The following OASL variants were observed in gnomAD, a reference collection of about 807,000 sequenced individuals.
OASL encodes 2'-5'-oligoadenylate synthetase like, also known as 2'-5'-oligoadenylate synthase-like protein.
In OASL, 28 loss-of-function variants were observed where a neutral mutation model predicts 35.3. The ratio of observed to expected loss-of-function variants is 0.79; its 90% CI spans 0.59 to 1.09. The LOEUF (loss-of-function observed/expected upper bound fraction) is 1.09. OASL is among the 50% of genes least tolerant of loss of function. The probability of loss-of-function intolerance (pLI) is 0.00; values close to 1 mark genes in which losing one functional copy is unlikely to be tolerated. For missense variants in OASL, 620 were observed against 635.2 expected (o/e 0.98, Z 0.26); for synonymous variants, 252 against 254.6 (o/e 0.99, Z 0.10).
chr12:121,018,065 A>C (rs75730715), downstream of OASL, among the ~76,000 whole-genome samples: 697 of 152,298 alleles, frequency 4.6e-3, 33 homozygotes, highest in East Asian at 0.1. Flanking sequence ...GTTTGACATA[A>C]GTGACTCCAT....
chr12:121,025,064 C>T (rs1045559261), intron 4 of OASL, among the ~76,000 whole-genome samples: 1 of 147,210 alleles, frequency 6.8e-6, no homozygotes, highest in Non-Finnish European at 1.5e-5. Context: ...CTGCAACTTC[C>T]ACCTCCCGGG....
At chr12:121,033,541 T>G (rs772766111) in exon 2 of OASL, 2 of 1,614,070 alleles carry the variant, frequency 1.2e-6, no homozygotes, top group Non-Finnish European at 1.7e-6. Context: ...GACGAGAGCA[T>G]CGGGGACTCT....
intron 4 of OASL, among the ~76,000 whole-genome samples, chr12:121,026,544 G>A (rs921082123): frequency 2.6e-5 from 4 of 152,158 alleles, no homozygotes; most frequent in Non-Finnish European, 4.4e-5. Flanking sequence ...CACTGGAGGC[G>A]ATCTTTAGGA....
At chr12:121,036,550 G>A (rs1201896298) in intron 1 of OASL, among the ~76,000 whole-genome samples, 2 of 152,146 alleles carry the variant, frequency 1.3e-5, no homozygotes, top group African/African-American at 4.8e-5. Flanking sequence ...TGGGGAGGCC[G>A]AGGTGGGTGG....
intron 1 of OASL, among the ~76,000 whole-genome samples, chr12:121,035,682 C>T (rs1292883860): frequency 6.6e-6 from 1 of 152,186 alleles, no homozygotes; most frequent in African/African-American, 2.4e-5. Context: ...AGAGCCAGAA[C>T]TCAAGTAGGG....
intron 5 of OASL, among the ~76,000 whole-genome samples, chr12:121,022,776 T>G (rs1869300215): frequency 6.6e-6 from 1 of 152,168 alleles, no homozygotes; most frequent in African/African-American, 2.4e-5. Flanking sequence ...CCCCCGGCCT[T>G]TAGGGCTCAT....
At chr12:121,033,534 G>A (rs3213545) in exon 2 of OASL, 477,985 of 1,613,822 alleles carry the variant, frequency 0.3, 73,977 homozygotes, top group East Asian at 0.5. Flanking sequence ...TGGTGAAGAC[G>A]AGAGCATCGG....
In OASL at chr12:121,038,853, AC is replaced by A; in HGVS notation, c.118del (p.Val40TrpfsTer5). On this transcript the variant is annotated frameshift_variant, in exon 1 of 6. Transcript: ENST00000257570. LOFTEE classifies it high-confidence loss of function. ...ATGCTCCTGCCTCAGAAACTCCTCC[AC>A]GGTCCGCACAGCGTCTAGCACCTCT... The A allele has an allele frequency of 6.2e-7, 1 of 1,613,870 alleles. No individual in the cohort carries two copies. Among genetic ancestry groups the A allele is most frequent in the Non-Finnish European group, 8.5e-7 (1 of 1,179,952 alleles).
At chr12:121,020,380 C>T (rs2135898440) in exon 6 of OASL, 1 of 620,598 alleles carries the variant, frequency 1.6e-6, no homozygotes, top group Admixed American at 3.1e-5. Flanking sequence ...AGCGCTCCTC[C>T]CACCTCGGCC....
intron 1 of OASL, among the ~76,000 whole-genome samples, chr12:121,035,514 G>A (rs1169271547): frequency 4.3e-5 from 3 of 70,352 alleles, no homozygotes; most frequent in African/African-American, 1.2e-4. Context: ...GACACAGCGA[G>A]ACTCCATCTA....
intron 5 of OASL, among the ~76,000 whole-genome samples, chr12:121,021,783 C>A (rs573557338): frequency 1.3e-5 from 2 of 152,120 alleles, no homozygotes; most frequent in African/African-American, 4.8e-5. Flanking sequence ...TGCACTCCAG[C>A]CTGGGCAACA....
chr12:121,037,667 G>T (rs1333919702), intron 1 of OASL, among the ~76,000 whole-genome samples: 1 of 152,076 alleles, frequency 6.6e-6, no homozygotes, highest in African/African-American at 2.4e-5. Flanking sequence ...AGCTACTTGG[G>T]AGGCTGAGGC....
intron 1 of OASL, among the ~76,000 whole-genome samples, chr12:121,037,770 C>CAA (rs35053672): frequency 5.2e-5 from 7 of 133,732 alleles, no homozygotes; most frequent in African/African-American, 1.9e-4. Context: ...GACTCTGTCT[C>CAA]AAAAAAAAAA....
exon 6 of OASL, chr12:121,019,421 T>G (rs1869147284): frequency 6.6e-6 from 1 of 152,158 alleles, no homozygotes; most frequent in African/African-American, 2.4e-5. Context: ...TTGCTTGGAG[T>G]AAACCTGATC....
chr12:121,025,120 G>A (rs956071479), intron 4 of OASL, among the ~76,000 whole-genome samples: 4 of 151,806 alleles, frequency 2.6e-5, no homozygotes, highest in African/African-American at 9.7e-5. Flanking sequence ...TGGGATTACA[G>A]GTACCCGCCA....
At chr12:121,026,770 C>T (rs1659487598) in intron 4 of OASL, among the ~76,000 whole-genome samples, 1 of 151,662 alleles carries the variant, frequency 6.6e-6, no homozygotes. Flanking sequence ...GGGAATCACT[C>T]GAACCCAGGA....
chr12:121,029,064 G>GAAAAAAAAAAAAAAAAAA (rs10577200), intron 3 of OASL, among the ~76,000 whole-genome samples: 1 of 105,092 alleles, frequency 9.5e-6, no homozygotes, highest in Non-Finnish European at 1.9e-5. Context: ...ACTTGTCTCA[G>GAAAAAAAAAAAAAAAAAA]AAAAAAAAAA....
chr12:121,033,363 T>C, intron 2 of OASL, 98 bp downstream of exon 2: 2 of 1,198,774 alleles, frequency 1.7e-6, no homozygotes, highest in Non-Finnish European at 2.4e-6. Flanking sequence ...AATGAATAAA[T>C]GTGGGTGTGT....
At chr12:121,026,647 T>A (rs1869497880) in intron 4 of OASL, among the ~76,000 whole-genome samples, 1 of 151,986 alleles carries the variant, frequency 6.6e-6, no homozygotes, top group South Asian at 2.1e-4. Context: ...AGGTCAGGAG[T>A]TTGAGACCAG....
Sources: allele counts gnomAD v4.1 joint callset (sites outside exome capture counted in the v4.1 genomes callset), GRCh38; gene constraint gnomAD v4.1.1; transcripts MANE v1.5; gene names NCBI Gene and HGNC (gene_info 2026-07-23, HGNC 2026-07-21).